The following ZNF536 variants were observed in gnomAD, a reference collection of about 807,000 sequenced individuals.
The protein encoded by ZNF536 is zinc finger protein 536.
ZNF536 carries 13 observed loss-of-function variants against 84.5 expected under a neutral mutation model. That is an observed-to-expected ratio of 0.15 (90% CI 0.10 to 0.24). The LOEUF (loss-of-function observed/expected upper bound fraction) is 0.24, where lower values mean the gene tolerates loss of function less well. Among genes scored for constraint, ZNF536 ranks in the 10% least tolerant of loss-of-function variants. ZNF536 has a pLI of 1.00. For synonymous variants in ZNF536, 811 were observed against 742.5 expected (o/e 1.09, Z -1.50); for missense variants, 1,536 against 1,747.5 (o/e 0.88, Z 2.16).
intron 1 of ZNF536, among the ~76,000 whole-genome samples, chr19:30,710,594 T>C (rs1414234899): frequency 1.3e-5 from 2 of 152,182 alleles, no homozygotes; most frequent in Non-Finnish European, 2.9e-5. Context: ...AATCTTAGCT[T>C]ATGTGCCTGA....
At position 30,458,308 on chromosome 19, in the gene ZNF536, A is replaced by T. The variant is rs139155052; in HGVS notation, c.2170+12576A>T. On this transcript the variant is annotated intron_variant, in intron 2 of 4. Transcript: ENST00000355537. ...AGCTTCCATTTTTCCTTCATCTTTC[A>T]ATGTTTCCCCCACCTTTCTCTCCTC... Among the ~76,000 whole-genome samples, 956 of 151,808 alleles carry T rather than the reference A, an allele frequency of 6.3e-3. 6 individuals carry two copies. Among genetic ancestry groups the T allele is most frequent in the Middle Eastern group, 0.014 (4 of 290 alleles).
intron 1 of ZNF536, among the ~76,000 whole-genome samples, chr19:30,602,243 G>C (rs1023119520): frequency 6.6e-6 from 1 of 152,234 alleles, no homozygotes; most frequent in Non-Finnish European, 1.5e-5. Context: ...TCACATCCAG[G>C]TGAGTATCCA....
At chr19:30,310,296 G>A (rs1204522887) in intron 2 of ZNF536, among the ~76,000 whole-genome samples, 1 of 152,050 alleles carries the variant, frequency 6.6e-6, no homozygotes, top group Non-Finnish European at 1.5e-5. Context: ...CAAGTTATTT[G>A]TTCTGGTGTA....
chr19:30,665,614 T>A (rs1442163477), intron 1 of ZNF536: 1 of 152,250 alleles, frequency 6.6e-6, no homozygotes, highest in Non-Finnish European at 1.5e-5. Flanking sequence ...AAAGGCCATG[T>A]GACTGGCCCA....
chr19:30,364,552 C>T (rs995143932), intron 3 of ZNF536, among the ~76,000 whole-genome samples: 2 of 152,152 alleles, frequency 1.3e-5, no homozygotes, highest in Admixed American at 1.3e-4. Context: ...ACTTCACCAG[C>T]CTCTTGCAGA....
At chr19:30,619,319 T>C (rs1451511886) in intron 1 of ZNF536, among the ~76,000 whole-genome samples, 1 of 152,204 alleles carries the variant, frequency 6.6e-6, no homozygotes, top group African/African-American at 2.4e-5. Context: ...CTTGCCTCTT[T>C]TGTGATGCTT....
rs1040203145 is a variant in ZNF536, at chr19:30,577,391, C to T, written c.169+27877C>T. On this transcript the variant is annotated intron_variant, in intron 1 of 1. Coordinates refer to the ZNF536 transcript ENST00000592773. ...TTGGGGGTTGGGGTAATATACTGTG[C>T]AGAGAAGTCAGTTCATTAGTTAGTT... Among the ~76,000 whole-genome samples the T allele has an allele frequency of 2.6e-5, 4 of 152,066 alleles. No individual in the cohort carries two copies. In the South Asian group the frequency reaches 6.2e-4, roughly 24 times the overall value.
intron 1 of ZNF536, among the ~76,000 whole-genome samples, chr19:30,588,523 G>A (rs1024190766): frequency 6.6e-6 from 1 of 152,174 alleles, no homozygotes; most frequent in Non-Finnish European, 1.5e-5. Context: ...CACTCACACA[G>A]GGAGTTGCAC....
At chr19:30,323,800 T>G (rs1040001943) in intron 2 of ZNF536, among the ~76,000 whole-genome samples, 1 of 152,128 alleles carries the variant, frequency 6.6e-6, no homozygotes. Context: ...AGTGCTCAGT[T>G]TTGCAACCTA....
chr19:30,569,559 C>CTTTTTTTTTTTTTTTTTTT (rs34995610), intron 1 of ZNF536, among the ~76,000 whole-genome samples: 4 of 55,106 alleles, frequency 7.3e-5, no homozygotes, highest in Admixed American at 2.3e-4. Context: ...GATAAACGTT[C>CTTTTTTTTTTTTTTTTTTT]TTTTTTTTTT....
chr19:30,446,208 C>G (rs2052326801), intron 2 of ZNF536, among the ~76,000 whole-genome samples: 1 of 127,194 alleles, frequency 7.9e-6, no homozygotes, highest in Admixed American at 9.6e-5. Context: ...AAGATCACAC[C>G]ACTGCACTCC....
chr19:30,401,838 A>G (rs1409955579), intron 1 of ZNF536, among the ~76,000 whole-genome samples: 1 of 152,208 alleles, frequency 6.6e-6, no homozygotes, highest in South Asian at 2.1e-4. Context: ...AAAATAGCAT[A>G]TACTGTTATG....
Position 30,698,627 on chromosome 19 carries a change from T to C in ZNF536, c.170-12130T>C, listed in dbSNP as rs545559621. Among the ~76,000 whole-genome samples the C allele has an allele frequency of 3.3e-5, 5 of 152,282 alleles. No homozygotes were observed. In the East Asian group the frequency reaches 9.7e-4, roughly 29 times the overall value. On this transcript the variant is annotated intron_variant, in intron 1 of 1. Coordinates refer to the ZNF536 transcript ENST00000592773. ...AACGTCCCTCAGTTGCAATTTCTCATGTGTAGACTGGGGTTATGGATTTAG... is the reference window on the plus strand; with the variant it reads ...AACGTCCCTCAGTTGCAATTTCTCACGTGTAGACTGGGGTTATGGATTTAG...
At chr19:30,372,828 C>A (rs949495315) in intron 1 of ZNF536, among the ~76,000 whole-genome samples, 2 of 71,034 alleles carry the variant, frequency 2.8e-5, no homozygotes, top group Admixed American at 1.2e-4. Context: ...CTCCATCACC[C>A]GCCCCCCCCA....
intron 1 of ZNF536, among the ~76,000 whole-genome samples, chr19:30,268,173 T>G (rs1273247251): frequency 6.6e-6 from 1 of 150,980 alleles, no homozygotes; most frequent in Non-Finnish European, 1.5e-5. Context: ...TCTACTAGTG[T>G]TTAGATCCCG....
intron 1 of ZNF536, among the ~76,000 whole-genome samples, chr19:30,631,777 G>C (rs972924743): frequency 1.3e-5 from 2 of 152,150 alleles, no homozygotes; most frequent in Non-Finnish European, 2.9e-5. Context: ...AGGGCAACGT[G>C]GGTGTCTGTA....
chr19:30,266,380 T>C (rs2025514353), intron 1 of ZNF536, among the ~76,000 whole-genome samples: 1 of 152,136 alleles, frequency 6.6e-6, no homozygotes, highest in Admixed American at 6.5e-5. Flanking sequence ...CCCATCACGG[T>C]CAGACTGATT....
At chr19:30,433,695 C>T (rs2051584544) in intron 1 of ZNF536, among the ~76,000 whole-genome samples, 1 of 152,144 alleles carries the variant, frequency 6.6e-6, no homozygotes, top group Non-Finnish European at 1.5e-5. Flanking sequence ...TGGGGTAACT[C>T]CATGTTGGTC....
At chr19:30,649,655 G>T (rs1638459473) in intron 1 of ZNF536, among the ~76,000 whole-genome samples, 1 of 150,554 alleles carries the variant, frequency 6.6e-6, no homozygotes, top group African/African-American at 2.5e-5. Flanking sequence ...ACAGCCAGTA[G>T]CCCCTTTGGG....
Sources: allele counts gnomAD v4.1 joint callset (sites outside exome capture counted in the v4.1 genomes callset), GRCh38; gene constraint gnomAD v4.1.1; transcripts MANE v1.5; gene names NCBI Gene and HGNC (gene_info 2026-07-23, HGNC 2026-07-21).